Variants in GRID2 observed in about 807,000 individuals in gnomAD.
GRID2 encodes glutamate receptor ionotropic, delta-2.
In GRID2, 33 loss-of-function variants were observed where a neutral mutation model predicts 114.8. The observed-to-expected ratio is 0.29, with a 90% CI of 0.22 to 0.38. GRID2 has a LOEUF of 0.38. GRID2 is among the 10% of genes least tolerant of loss of function. GRID2 has a pLI of 1.00. For missense variants in GRID2, 1,184 were observed against 1,257.7 expected (o/e 0.94, Z 0.89); for synonymous variants, 505 against 449.9 (o/e 1.12, Z -1.55).
intron 4 of GRID2, among the ~76,000 whole-genome samples, chr4:93,154,813 C>T (rs1737033668): frequency 6.6e-6 from 1 of 151,790 alleles, no homozygotes; most frequent in South Asian, 2.1e-4. Flanking sequence ...AACCCTTTTC[C>T]TCTACTGCAA....
intron 1 of GRID2, among the ~76,000 whole-genome samples, chr4:92,539,210 C>A (rs1392862266): frequency 2.6e-5 from 4 of 151,974 alleles, no homozygotes; most frequent in Non-Finnish European, 5.9e-5. Flanking sequence ...ACACAATATA[C>A]GATTTGCAGT....
At chr4:93,660,715 T>C (rs1449432465) in intron 14 of GRID2, among the ~76,000 whole-genome samples, 1 of 152,180 alleles carries the variant, frequency 6.6e-6, no homozygotes, top group African/African-American at 2.4e-5. Context: ...GTTTCATAGA[T>C]GCTAACAGAA....
intron 14 of GRID2, among the ~76,000 whole-genome samples, chr4:93,680,372 C>T (rs1725393228): frequency 6.6e-6 from 1 of 151,764 alleles, no homozygotes; most frequent in Non-Finnish European, 1.5e-5. Flanking sequence ...GGTACCATTC[C>T]TTCTGAAGCT....
intron 1 of GRID2, among the ~76,000 whole-genome samples, chr4:92,318,290 G>GTGTATA (rs369526929): frequency 0.02 from 2,055 of 103,968 alleles, 27 homozygotes; most frequent in Middle Eastern, 0.038. Flanking sequence ...ATATATGTGT[G>GTGTATA]TATATATATA....
chr4:92,875,698 C>T (rs2149450913), intron 2 of GRID2, among the ~76,000 whole-genome samples: 1 of 152,182 alleles, frequency 6.6e-6, no homozygotes, highest in East Asian at 1.9e-4. Context: ...TTTAATATCA[C>T]ATTTATTGTA....
At chr4:92,836,804 C>A (rs1336449206) in intron 2 of GRID2, among the ~76,000 whole-genome samples, 1 of 151,982 alleles carries the variant, frequency 6.6e-6, no homozygotes, top group Non-Finnish European at 1.5e-5. Flanking sequence ...TTTGGTAAAC[C>A]ACATAGACTA....
intron 1 of GRID2, among the ~76,000 whole-genome samples, chr4:92,464,095 A>G (rs1477214346): frequency 1.3e-5 from 2 of 152,020 alleles, no homozygotes; most frequent in Non-Finnish European, 2.9e-5. Flanking sequence ...ATTGTAGAGC[A>G]TGTAATTTTC....
intron 2 of GRID2, among the ~76,000 whole-genome samples, chr4:92,741,760 T>A (rs1436335838): frequency 6.6e-6 from 1 of 152,180 alleles, no homozygotes; most frequent in Non-Finnish European, 1.5e-5. Flanking sequence ...ATAGAAGGTG[T>A]TGAGTTACTT....
chr4:92,838,616 C>T (rs1014770688), intron 2 of GRID2, among the ~76,000 whole-genome samples: 5 of 152,016 alleles, frequency 3.3e-5, no homozygotes, highest in Non-Finnish European at 1.5e-5. Flanking sequence ...CTTGCATGTA[C>T]ATTTCTATTA....
At position 93,772,454 on chromosome 4, in the gene GRID2, G is replaced by T; in HGVS notation, c.2980G>T (p.Gly994Trp). The change falls in exon 16 of 16, where the codon GGG (glycine) becomes TGG (tryptophan). Residue 994 changes from glycine to tryptophan, a missense_variant. Coordinates refer to ENST00000282020, the MANE Select transcript of GRID2 (RefSeq NM_001510.4). ...SIPYQPTPTL[G>W]LNLGNDPDRG... is the part of the protein sequence containing the mutation. The stretch of plus-strand genomic sequence containing the variant: ...TCCTTATCAACCAACTCCTACCCTG[G>T]GGCTCAATCTGGGTAATGATCCAGA... 1 of 1,610,352 alleles carries T rather than the reference G, an allele frequency of 6.2e-7. No homozygotes were observed. The highest frequency in any genetic ancestry group is 8.5e-7 in the Non-Finnish European group (1 of 1,177,734).
At chr4:92,765,280 G>A (rs912814482) in intron 2 of GRID2, among the ~76,000 whole-genome samples, 2 of 152,078 alleles carry the variant, frequency 1.3e-5, no homozygotes, top group African/African-American at 4.8e-5. Context: ...CAGAACACAT[G>A]GAACTAATTT....
chr4:92,648,399 T>C (rs1029443054), intron 2 of GRID2, among the ~76,000 whole-genome samples: 1 of 149,524 alleles, frequency 6.7e-6, no homozygotes, highest in Admixed American at 6.6e-5. Context: ...GTTACATTTC[T>C]TGGAATATTT....
chr4:92,732,927 CAT>C (rs1736399449), intron 2 of GRID2, among the ~76,000 whole-genome samples: 1 of 152,076 alleles, frequency 6.6e-6, no homozygotes, highest in Admixed American at 6.6e-5. Context: ...CAGTGACTGA[CAT>C]ATATCAAGAG....
intron 8 of GRID2, among the ~76,000 whole-genome samples, chr4:93,271,751 G>A (rs1485980552): frequency 6.6e-6 from 1 of 152,144 alleles, no homozygotes. Flanking sequence ...AAAGTACTCT[G>A]AGATGCAAAA....
chr4:92,962,518 C>T lies in GRID2; in HGVS notation c.245-122477C>T, dbSNP rs139080687. Among the ~76,000 whole-genome samples the T allele has an allele frequency of 2.6e-3, 402 of 152,078 alleles. 6 individuals are homozygous for T. The highest frequency in any genetic ancestry group is 9.3e-3 in the African/African-American group (388 of 41,522). ...GAGCCTGCTGGAGTTGGGCATTTCC[C>T]TTTCCCAGGTCATGTAGACTCGAAT... is the stretch of plus-strand genomic sequence containing the variant. On this transcript the variant is annotated intron_variant, in intron 2 of 15. Transcript: ENST00000282020.
chr4:92,782,426 A>G (rs555547323), intron 2 of GRID2, among the ~76,000 whole-genome samples: 1 of 152,184 alleles, frequency 6.6e-6, no homozygotes, highest in Admixed American at 6.6e-5. Flanking sequence ...ACACTTACCT[A>G]TCCATGTGTT....
At chr4:93,673,507 A>G (rs1179289764) in intron 14 of GRID2, among the ~76,000 whole-genome samples, 2 of 152,160 alleles carry the variant, frequency 1.3e-5, no homozygotes, top group East Asian at 1.9e-4. Flanking sequence ...CATCATGACA[A>G]TCTTACATGT....
At chr4:92,966,584 C>T (rs1175362553) in intron 2 of GRID2, among the ~76,000 whole-genome samples, 1 of 151,840 alleles carries the variant, frequency 6.6e-6, no homozygotes, top group African/African-American at 2.4e-5. Context: ...TTCCCCTATA[C>T]TGTTCTCATG....
chr4:92,425,574 C>G (rs1732117517), intron 1 of GRID2, among the ~76,000 whole-genome samples: 1 of 152,018 alleles, frequency 6.6e-6, no homozygotes, highest in South Asian at 2.1e-4. Context: ...ATAAGGTAAT[C>G]CATATTATAT....
Sources: allele counts gnomAD v4.1 joint callset (sites outside exome capture counted in the v4.1 genomes callset), GRCh38; gene constraint gnomAD v4.1.1; transcripts MANE v1.5; gene names NCBI Gene and HGNC (gene_info 2026-07-23, HGNC 2026-07-21).